MYO7A: variants seen among roughly 807,000 people sequenced by gnomAD.
MYO7A encodes the protein unconventional myosin-VIIa.
Under a neutral mutation model 263.8 loss-of-function variants are expected in MYO7A, and 210 were observed. The observed-to-expected ratio is 0.80, with a 90% CI of 0.71 to 0.89. The LOEUF is 0.89. Among genes scored for constraint, MYO7A ranks in the 40% least tolerant of loss-of-function variants. MYO7A has a pLI of 0.00. For missense variants in MYO7A, 2,820 were observed against 2,968.3 expected, an observed-to-expected ratio of 0.95 and a Z score of 1.16; for synonymous variants, 1,239 against 1,197.3, an observed-to-expected ratio of 1.03 and a Z score of -0.72.
intron 44 of MYO7A, chr11:77,209,072 ATCC>A (rs2135765631): frequency 2.3e-6 from 1 of 442,488 alleles, no homozygotes; most frequent in South Asian, 3.8e-5. Context: ...GTGCGGGGCT[ATCC>A]TCTGACTTCG....
In MYO7A at chr11:77,182,085, C is replaced by T. The variant is rs782081669; in HGVS notation, c.3039C>T (p.Thr1013=). The T allele has an allele frequency of 1.2e-6, 2 of 1,613,246 alleles. No homozygotes were observed. Among genetic ancestry groups the T allele is most frequent in the East Asian group, 2.2e-5 (1 of 44,880 alleles). The change falls in exon 24 of 49, where the codon ACC becomes ACT. Residue 1013 remains threonine, a synonymous_variant. Transcript: ENST00000409709. Reference sequence around the variant, plus strand: ...CGGCCACCTACTTCCAGGGGACAACCACGCACTCCTACACCCGGCGGCCAC... The same window carrying T: ...CGGCCACCTACTTCCAGGGGACAACTACGCACTCCTACACCCGGCGGCCAC... The part of the protein sequence containing the change: ...KFAATYFQGT[T]THSYTRRPLK...
intron 5 of MYO7A, 33 bp downstream of exon 5, chr11:77,156,124 G>A (rs1555061971): frequency 6.2e-7 from 1 of 1,607,530 alleles, no homozygotes; most frequent in South Asian, 1.1e-5. Context: ...GGAGCTCCAG[G>A]CTTAGGACCT....
rs1471642611 is a variant in MYO7A at position 77,205,482 on chromosome 11, G to T, written c.5501G>T (p.Trp1834Leu). ...TGCAGGTACAGCGAGGAGCGGGGTT[G>T]GGAGCTGCTCTGGCTGTGCACGGGC... ...NHIRYSEERG[W>L]ELLWLCTGLF... Residue 1834 changes from tryptophan (W) to leucine (L), a missense_variant, in exon 40 of 49, where the codon TGG (tryptophan) becomes TTG (leucine). By Grantham distance (61) the Trp-to-Leu change is moderately conservative. Transcript: ENST00000409709. 6.3e-7 allele frequency: 1 copy of T among 1,582,792 alleles called. No homozygotes were observed.
intron 41 of MYO7A, chr11:77,207,016 G>A (rs1591489636): frequency 2.9e-6 from 1 of 349,420 alleles, no homozygotes; most frequent in African/African-American, 2.1e-5. Context: ...GTGCTCCCTG[G>A]ACCCCTCACT....
At chr11:77,213,368 G>A (rs998417140) in intron 47 of MYO7A, among the ~76,000 whole-genome samples, 9 of 152,230 alleles carry the variant, frequency 5.9e-5, no homozygotes, top group African/African-American at 2.2e-4. Flanking sequence ...CTGGGCCAGA[G>A]CAGCCCAGCT....
intron 11 of MYO7A, 71 bp from the exon 12 acceptor site, chr11:77,160,901 AG>A: frequency 6.5e-7 from 1 of 1,530,592 alleles, no homozygotes; most frequent in East Asian, 2.4e-5. Context: ...GACACCACGA[AG>A]GGTCCAGGAG....
chr11:77,212,658 C>T (rs1316542730), intron 46 of MYO7A: 14 of 491,048 alleles, frequency 2.9e-5, no homozygotes, highest in Non-Finnish European at 5.2e-5. Context: ...GCGAGGAGAA[C>T]AGGTAGGTAG....
intron 2 of MYO7A, among the ~76,000 whole-genome samples, chr11:77,141,643 G>T (rs1414301797): frequency 1.3e-5 from 2 of 152,164 alleles, no homozygotes; most frequent in Non-Finnish European, 2.9e-5. Context: ...CGCCCATCAG[G>T]TCCTACCTCC....
Position 77,138,583 on chromosome 11 carries a change from C to T in MYO7A, c.19-4126C>T, listed in dbSNP as rs1555048810. Among the ~76,000 whole-genome samples, 1 of 152,206 alleles carries T rather than the reference C, an allele frequency of 6.6e-6. No individual in the cohort carries two copies. The highest frequency in any genetic ancestry group is 1.9e-4 in the East Asian group (1 of 5,188). On this transcript the variant is annotated intron_variant, in intron 2 of 48. Transcript: ENST00000409709. The surrounding 1 kb of genome is among the most constrained non-coding windows in gnomAD (Gnocchi z 4.9). ...GCCACCTGCGGTCTCTGACCTCCCC[C>T]AGTGTGAACTTGGCCGCGGCTGCCC...
intron 2 of MYO7A, among the ~76,000 whole-genome samples, chr11:77,133,104 G>C (rs1462414582): frequency 6.6e-6 from 1 of 152,160 alleles, no homozygotes; most frequent in Non-Finnish European, 1.5e-5. Context: ...GAGTCTCCAG[G>C]GGGCACGGGG....
intron 35 of MYO7A, among the ~76,000 whole-genome samples, chr11:77,200,483 C>T (rs1297807066): frequency 1.3e-5 from 2 of 152,180 alleles, no homozygotes; most frequent in Non-Finnish European, 2.9e-5. Flanking sequence ...GTGAGCACGG[C>T]ACCACACTGT....
At chr11:77,146,670 T>C (rs114922454) in intron 3 of MYO7A, among the ~76,000 whole-genome samples, 2,014 of 152,108 alleles carry the variant, frequency 0.013, 48 homozygotes, top group African/African-American at 0.046. Context: ...GGACATGGCA[T>C]GTGCATCACA....
chr11:77,202,436 T>A lies in MYO7A; in HGVS notation c.5168+12T>A. 6.5e-7 allele frequency: 1 copy of A among 1,548,666 alleles called. No homozygotes were observed. The highest frequency in any genetic ancestry group is 1.2e-5 in the South Asian group (1 of 83,968). ...TATGACTACTTCAGGTGATGCCTCCTGGGGAAGGATGGGAGCCACAGGGCT... is the reference window on the plus strand; with the variant it reads ...TATGACTACTTCAGGTGATGCCTCCAGGGGAAGGATGGGAGCCACAGGGCT... On this transcript the variant is annotated intron_variant, in intron 37 of 48. Coordinates refer to ENST00000409709, the MANE Select transcript of MYO7A (RefSeq NM_000260.4).
At chr11:77,169,829 AC>A (rs1953912949) in intron 15 of MYO7A, among the ~76,000 whole-genome samples, 2 of 152,118 alleles carry the variant, frequency 1.3e-5, no homozygotes, top group South Asian at 4.2e-4. Flanking sequence ...TAATTCCAAA[AC>A]TTTGGGAGGC....
At position 77,184,609 on chromosome 11, in the gene MYO7A, G is replaced by A. The variant is rs782313913; in HGVS notation, c.3397G>A (p.Gly1133Arg). The change falls in exon 27 of 49, where the codon GGG becomes AGG. Residue 1133 changes from glycine to arginine, a missense_variant. Coordinates refer to ENST00000409709, the MANE Select transcript of MYO7A (RefSeq NM_000260.4). ...TEEVTKRLHDGESTVQGNSML... is the reference protein window; with the variant it reads ...TEEVTKRLHDRESTVQGNSML... Reference sequence around the variant, plus strand: ...CCAGGTGACCAAGAGGCTGCATGACGGGGAGTCCACAGTGCAGGGCAACAG... The same window carrying A: ...CCAGGTGACCAAGAGGCTGCATGACAGGGAGTCCACAGTGCAGGGCAACAG... 8.3e-6 allele frequency: 13 copies of A among 1,569,590 alleles called. No homozygotes were observed. Among genetic ancestry groups the A allele is most frequent in the African/African-American group, 1.4e-5 (1 of 73,912 alleles).
intron 4 of MYO7A, among the ~76,000 whole-genome samples, chr11:77,151,249 C>T (rs1417279445): frequency 6.6e-6 from 1 of 152,236 alleles, no homozygotes; most frequent in African/African-American, 2.4e-5. Flanking sequence ...GGCTCCCTAA[C>T]GCTGAGCAGA....
Position 77,202,298 on chromosome 11 carries a change from A to G in MYO7A, c.5044-2A>G, listed in dbSNP as rs1474868859. ...CTGAGCCCCCTGTCTCTTGGTCCCT[A>G]GGCCCTGGTCACCATGACTCCCGAT... On this transcript the variant is annotated splice_acceptor_variant, in intron 36 of 48. Transcript: ENST00000409709. LOFTEE classifies it high-confidence loss of function. 3 of 1,584,636 alleles carry G rather than the reference A, an allele frequency of 1.9e-6. No individual in the cohort carries two copies. The highest frequency in any genetic ancestry group is 4.6e-5 in the East Asian group (2 of 43,542).
rs782428224 is a variant in MYO7A, at chr11:77,179,940, G to A, written c.2573G>A (p.Arg858His). 2.1e-5 allele frequency: 32 copies of A among 1,526,890 alleles called. No homozygotes were observed. In the Admixed American group the frequency reaches 3.7e-4, roughly 18 times the overall value. The allele number at this position is 1,526,890 out of a possible 1,614,324, so 94.6% of individuals were successfully genotyped here. ...RGMIARRLHQ[R>H]LRAEYLWRLE... is the part of the protein sequence containing the mutation. The stretch of plus-strand genomic sequence containing the variant: ...ATGATCGCCCGCAGGCTGCACCAAC[G>A]CCTCAGGGCTGAGGTGAGGGAGCAA... Residue 858 changes from arginine to histidine, a missense_variant, in exon 21 of 49, where the codon CGC (arginine) becomes CAC (histidine). Coordinates refer to ENST00000409709, the MANE Select transcript of MYO7A (RefSeq NM_000260.4).
At position 77,147,790 on chromosome 11, in the gene MYO7A, C is replaced by G; in HGVS notation, c.133-8C>G. The G allele has an allele frequency of 1.2e-6, 2 of 1,609,126 alleles. No homozygotes were observed. The highest frequency in any genetic ancestry group is 3.4e-5 in the Admixed American group (2 of 59,590). ...AGGAGAGCACGCTGACGTTCTGGCT[C>G]CCCGCAGGAACACTGGATCTCTCCG... On this transcript the variant is annotated splice_region_variant and splice_polypyrimidine_tract_variant and intron_variant, in intron 3 of 48. Transcript: ENST00000409709.
Sources: allele counts gnomAD v4.1 joint callset (sites outside exome capture counted in the v4.1 genomes callset), GRCh38; gene constraint gnomAD v4.1.1; non-coding constraint Gnocchi (gnomAD v3.1); transcripts MANE v1.5; gene names NCBI Gene and HGNC (gene_info 2026-07-23, HGNC 2026-07-21).